Variants in MYT1 observed in about 807,000 individuals in gnomAD.
MYT1 encodes the protein myelin transcription factor I.
A neutral mutation model predicts 123.0 loss-of-function variants in MYT1; 23 were observed. The ratio of observed to expected loss-of-function variants is 0.19; its 90% CI spans 0.13 to 0.26. MYT1 has a LOEUF of 0.26. Ranked by LOEUF, MYT1 falls within the 10% of genes least tolerant of loss-of-function variation. The pLI, the probability that MYT1 is intolerant of heterozygous loss-of-function variation, is 1.00. For synonymous variants in MYT1, 518 were observed against 575.3 expected, an observed-to-expected ratio of 0.90 and a Z score of 1.43; for missense variants, 1,125 against 1,472.5, an observed-to-expected ratio of 0.76 and a Z score of 3.86.
In MYT1 at chr20:64,241,811, C is replaced by A. The variant is rs978964104; in HGVS notation, c.*1363C>A. 1.2e-4 allele frequency: 19 copies of A among 152,422 alleles called. No homozygotes were observed. The highest frequency in any genetic ancestry group is 4.1e-4 in the African/African-American group (17 of 41,392). The allele number at this position is 152,422 out of a possible 1,614,324, so 9.4% of individuals were successfully genotyped here. ...TTTTTTATATATTTTGTTATTTATT[C>A]TTTTAATAATGGAATTTTTTTAAAA... On this transcript the variant is annotated 3_prime_UTR_variant, in exon 23 of 23. Transcript: ENST00000328439. This position sits in a 1 kb window ranked among gnomAD's most constrained non-coding sequence, Gnocchi z 4.2.
rs750215397 is a variant in MYT1, at chr20:64,227,373, C to T, written c.2529-42C>T. On this transcript the variant is annotated intron_variant, in intron 16 of 22. Transcript: ENST00000328439. ...CCCAGGGCTCTGGGCCGGGGCTAAACGCCTTCACGGGCTCCCGTTCCAGTT... is the reference window on the plus strand; with the variant it reads ...CCCAGGGCTCTGGGCCGGGGCTAAATGCCTTCACGGGCTCCCGTTCCAGTT... 4.3e-5 allele frequency: 69 copies of T among 1,603,124 alleles called. 1 individual carries two copies. The highest frequency in any genetic ancestry group is 5.5e-5 in the South Asian group (5 of 90,182).
intron 16 of MYT1, among the ~76,000 whole-genome samples, chr20:64,226,014 G>A (rs573854785): frequency 1.4e-4 from 21 of 152,218 alleles, no homozygotes; most frequent in Admixed American, 2.6e-4. Flanking sequence ...CTGTGGGTCT[G>A]TCACTCTGGC....
At chr20:64,197,490 G>C (rs1253970148) in intron 2 of MYT1, among the ~76,000 whole-genome samples, 1 of 152,104 alleles carries the variant, frequency 6.6e-6, no homozygotes, top group Non-Finnish European at 1.5e-5. Context: ...CTCACGCATA[G>C]AGCCCTGGCA....
At chr20:64,199,530 G>C (rs114334605) in intron 3 of MYT1, among the ~76,000 whole-genome samples, 1 of 152,178 alleles carries the variant, frequency 6.6e-6, no homozygotes, top group Admixed American at 6.5e-5. Context: ...TGTGTTTCCT[G>C]CCAAAAGCTG....
rs1983572619 is a variant in MYT1 at position 64,208,596 on chromosome 20, GA to G, written c.1291+113del. ...TAGGACAGGGGGCTGGGGGATGGCAGAAAAGCAGACAAAAGGACAAATACAT... is the reference window on the plus strand; with the variant it reads ...TAGGACAGGGGGCTGGGGGATGGCAGAAAGCAGACAAAAGGACAAATACAT... On this transcript the variant is annotated intron_variant, in intron 7 of 22. Coordinates refer to ENST00000328439, the MANE Select transcript of MYT1 (RefSeq NM_004535.3). This position sits in a 1 kb window ranked among gnomAD's most constrained non-coding sequence, Gnocchi z 5.4. 2.1e-6 allele frequency: 3 copies of G among 1,450,748 alleles called. No homozygotes were observed. The highest frequency in any genetic ancestry group is 2.5e-5 in the East Asian group (1 of 40,484). 89.9% of individuals were successfully genotyped at this position (1,450,748 alleles called of 1,614,324 possible). A position where few individuals can be genotyped will look rare whatever the true frequency, so the allele number is the denominator to read the frequency against.
intron 1 of MYT1, among the ~76,000 whole-genome samples, chr20:64,169,939 A>G (rs1601696088): frequency 6.6e-6 from 1 of 152,210 alleles, no homozygotes; most frequent in East Asian, 1.9e-4. Flanking sequence ...TCTTTCCAGC[A>G]CAGCCTCCCT....
chr20:64,227,282 C>T, intron 16 of MYT1, 133 bp from the exon 17 acceptor site: 2 of 722,894 alleles, frequency 2.8e-6, no homozygotes, highest in Non-Finnish European at 4.6e-6. Context: ...CGATGCTCCT[C>T]TGCGGACAAG....
In MYT1 at chr20:64,186,160, A is replaced by G. The variant is rs1038507124; in HGVS notation, c.-98-3903A>G. ...TTTCCTGAGTTTTTCTGCCCACAAG[A>G]GCCCCATAAAAGTGAGTGTGGGGCC... On this transcript the variant is annotated intron_variant, in intron 1 of 22. Coordinates refer to ENST00000328439, the MANE Select transcript of MYT1 (RefSeq NM_004535.3). This position sits in a 1 kb window ranked among gnomAD's most constrained non-coding sequence, Gnocchi z 4.3. Among the ~76,000 whole-genome samples, 2 of 151,978 alleles carry G rather than the reference A, an allele frequency of 1.3e-5. No individual in the cohort carries two copies. The highest frequency in any genetic ancestry group is 2.9e-5 in the Non-Finnish European group (2 of 67,986).
Position 64,232,046 on chromosome 20 carries a change from C to T in MYT1, c.2676-118C>T. ...GACCTCAGCGGCCCTCCCTGCCTCA[C>T]TCAGAAGCCCTTTAACGGCTCTGAG... On this transcript the variant is annotated intron_variant, in intron 18 of 22. Transcript: ENST00000328439. The surrounding 1 kb of genome is among the most constrained non-coding windows in gnomAD (Gnocchi z 6.9). The T allele has an allele frequency of 1.9e-6, 2 of 1,027,706 alleles. No individual in the cohort carries two copies. The highest frequency in any genetic ancestry group is 3.0e-5 in the South Asian group (2 of 67,330). 63.7% of individuals were successfully genotyped at this position (1,027,706 alleles called of 1,614,324 possible).
At chr20:64,198,836 T>C (rs752749174) in intron 2 of MYT1, 26 bp from the exon 3 acceptor site, 1 of 1,613,996 alleles carries the variant, frequency 6.2e-7, no homozygotes, top group South Asian at 1.1e-5. Flanking sequence ...GGTTTTCTTG[T>C]TAACGTCGTG....
Position 64,200,829 on chromosome 20 carries a change from G to C in MYT1, c.86+907G>C, listed in dbSNP as rs1252086360. Among the ~76,000 whole-genome samples, 3 of 152,182 alleles carry C rather than the reference G, an allele frequency of 2.0e-5. No homozygotes were observed. In the East Asian group the frequency reaches 5.8e-4, roughly 29 times the overall value. On this transcript the variant is annotated intron_variant, in intron 4 of 22. Coordinates refer to ENST00000328439, the MANE Select transcript of MYT1 (RefSeq NM_004535.3). ...CCCTGGGTAACAGGTGGGAGGGGTG[G>C]GGTGGAAGCTCAGCCAAACAGGTCG...
intron 1 of MYT1, among the ~76,000 whole-genome samples, chr20:64,180,030 G>A (rs1982596643): frequency 1.4e-5 from 2 of 146,796 alleles, no homozygotes; most frequent in African/African-American, 5.1e-5. Context: ...GCTACATGCA[G>A]TTACATGCCA....
intron 18 of MYT1, chr20:64,228,207 C>A: frequency 1.8e-6 from 1 of 546,912 alleles, no homozygotes; most frequent in Non-Finnish European, 3.2e-6. Context: ...GCCAGATTTT[C>A]TGGGCTTTTC....
chr20:64,231,101 T>C lies in MYT1; in HGVS notation c.2676-1063T>C, dbSNP rs192015366. On this transcript the variant is annotated intron_variant, in intron 18 of 22. Transcript: ENST00000328439. The surrounding 1 kb of genome is among the most constrained non-coding windows in gnomAD (Gnocchi z 6.4). ...CTGCGCTGACAGTGACTTCCCTGTA[T>C]GCCCATGAATCTCCTCGTAAATGGA... Among the ~76,000 whole-genome samples the C allele has an allele frequency of 7.5e-4, 114 of 151,680 alleles. 3 individuals are homozygous for C. In the South Asian group the frequency reaches 0.015, roughly 20 times the overall value.
At chr20:64,200,609 C>T (rs1007656755) in intron 4 of MYT1, among the ~76,000 whole-genome samples, 1 of 152,124 alleles carries the variant, frequency 6.6e-6, no homozygotes, top group Non-Finnish European at 1.5e-5. Flanking sequence ...GGGAGGACTA[C>T]GGGAGGGAGT....
intron 1 of MYT1, among the ~76,000 whole-genome samples, chr20:64,179,749 G>A (rs1982582763): frequency 6.6e-6 from 1 of 151,906 alleles, no homozygotes; most frequent in African/African-American, 2.4e-5. Context: ...TGAGACCTGG[G>A]TGTTGGGCCT....
At position 64,232,711 on chromosome 20, in the gene MYT1, T is replaced by C. The variant is rs1984358342; in HGVS notation, c.2897+326T>C. On this transcript the variant is annotated intron_variant, in intron 19 of 22. Transcript: ENST00000328439. The surrounding 1 kb of genome is among the most constrained non-coding windows in gnomAD (Gnocchi z 6.9). Reference sequence around the variant, plus strand: ...CCCTGGGTCTGACACTTACGTTCTCTTAACAGGCTGACAACTTCTCAGGAA... The same window carrying C: ...CCCTGGGTCTGACACTTACGTTCTCCTAACAGGCTGACAACTTCTCAGGAA... 6.7e-6 allele frequency among the ~76,000 whole-genome samples: 1 copy of C among 149,002 alleles called. No homozygotes were observed. Among genetic ancestry groups the C allele is most frequent in the Admixed American group, 6.6e-5 (1 of 15,126 alleles).
chr20:64,203,610 C>T lies in MYT1; in HGVS notation c.87-1425C>T. ...GTCTTCTTGTTAACACACTGAAAAC[C>T]CCACCCTGGAAGGCTGCAGAGAACA... On this transcript the variant is annotated intron_variant, in intron 4 of 22. Transcript: ENST00000328439. This position sits in a 1 kb window ranked among gnomAD's most constrained non-coding sequence, Gnocchi z 5.1. Among the ~76,000 whole-genome samples, 1 of 152,142 alleles carries T rather than the reference C, an allele frequency of 6.6e-6. No homozygotes were observed. Among genetic ancestry groups the T allele is most frequent in the East Asian group, 1.9e-4 (1 of 5,172 alleles).
chr20:64,204,277 A>T (rs567840793), intron 4 of MYT1, among the ~76,000 whole-genome samples: 1 of 152,324 alleles, frequency 6.6e-6, no homozygotes, highest in African/African-American at 2.4e-5. Flanking sequence ...AGGGAGACAG[A>T]TGATGGTTAA....
Sources: allele counts gnomAD v4.1 joint callset (sites outside exome capture counted in the v4.1 genomes callset), GRCh38; gene constraint gnomAD v4.1.1; non-coding constraint Gnocchi (gnomAD v3.1); transcripts MANE v1.5; gene names NCBI Gene and HGNC (gene_info 2026-07-23, HGNC 2026-07-21).